The following HMGN5 variants were observed in gnomAD, a reference collection of about 807,000 sequenced individuals.
HMGN5 encodes high mobility group nucleosome binding domain 5.
Under a neutral mutation model 9.5 loss-of-function variants are expected in HMGN5, and 4 were observed. The observed-to-expected ratio is 0.42, with a 90% confidence interval of 0.21 to 0.96. The LOEUF is 0.96. Among genes scored for constraint, HMGN5 ranks in the 40% least tolerant of loss-of-function variants. The pLI, the probability that HMGN5 is intolerant of heterozygous loss-of-function variation, is 0.30. For synonymous variants in HMGN5, 55 were observed against 57.1 expected (o/e 0.96, Z 0.16); for missense variants, 192 against 187.5 (o/e 1.02, Z -0.14).
At chrX:81,156,041 T>A (rs2075382094) in intron 1 of HMGN5, among the ~76,000 whole-genome samples, 1 of 111,944 alleles carries the variant, frequency 8.9e-6, no homozygotes, top group Non-Finnish European at 1.9e-5. Context: ...ATCACTCTAA[T>A]ATTTCCTACA....
intron 1 of HMGN5, among the ~76,000 whole-genome samples, chrX:81,152,643 C>T (rs989329912): frequency 2.7e-5 from 3 of 110,846 alleles, no homozygotes; most frequent in East Asian, 2.9e-4. Flanking sequence ...TCCCATTACT[C>T]GGTATATGCC....
intron 1 of HMGN5, among the ~76,000 whole-genome samples, chrX:81,150,591 A>G (rs2075358567): frequency 8.9e-6 from 1 of 112,008 alleles, no homozygotes; most frequent in Admixed American, 9.5e-5. Context: ...AACAATAACA[A>G]AAACAAAAAC....
chrX:81,124,272 C>A (rs1479342759), intron 1 of HMGN5, among the ~76,000 whole-genome samples: 2 of 112,625 alleles, frequency 1.8e-5, no homozygotes, highest in East Asian at 5.5e-4. Context: ...TTCCTTCTAA[C>A]CATTAACCAG....
At chrX:81,150,683 CAG>C (rs1013373670) in intron 1 of HMGN5, among the ~76,000 whole-genome samples, 3 of 111,172 alleles carry the variant, frequency 2.7e-5, no homozygotes, top group Admixed American at 1.9e-4. Flanking sequence ...ATCAATGAAA[CAG>C]AAAGTTGCTT....
chrX:81,156,052 A>C (rs1447023528), intron 1 of HMGN5, among the ~76,000 whole-genome samples: 3 of 111,582 alleles, frequency 2.7e-5, no homozygotes, highest in African/African-American at 9.8e-5. Context: ...ATTTCCTACA[A>C]CTCCATATGA....
intron 1 of HMGN5, among the ~76,000 whole-genome samples, chrX:81,156,193 A>C (rs1229142189): frequency 8.9e-6 from 1 of 112,119 alleles, no homozygotes; most frequent in African/African-American, 3.2e-5. Context: ...TGGTCATTGT[A>C]GTTATTGGTG....
At chrX:81,163,207 C>A (rs1374257216) in intron 1 of HMGN5, among the ~76,000 whole-genome samples, 1 of 112,078 alleles carries the variant, frequency 8.9e-6, no homozygotes, top group Non-Finnish European at 1.9e-5. Flanking sequence ...TCCTCAACTG[C>A]CAGACATGGA....
intron 1 of HMGN5, among the ~76,000 whole-genome samples, chrX:81,124,235 AC>A (rs2075276897): frequency 8.9e-6 from 1 of 112,247 alleles, no homozygotes; most frequent in Non-Finnish European, 1.9e-5. Context: ...CTGTTTCTTG[AC>A]CCCAATCCCC....
chrX:81,121,523 C>A lies in HMGN5; in HGVS notation c.15+12G>T. On this transcript the variant is annotated intron_variant, in intron 2 of 6. Coordinates refer to ENST00000358130, the MANE Select transcript of HMGN5 (RefSeq NM_030763.3). Reference sequence around the variant, plus strand: ...GCAGCTCATTCCCCGTCTGTCTTTCCATTTCACTTACCTTTCTTTTGGGCA... The same window carrying A: ...GCAGCTCATTCCCCGTCTGTCTTTCAATTTCACTTACCTTTCTTTTGGGCA... 1 of 1,202,920 alleles carries A rather than the reference C, an allele frequency of 8.3e-7. No individual in the cohort carries two copies. Among genetic ancestry groups the A allele is most frequent in the Non-Finnish European group, 1.1e-6 (1 of 888,771 alleles).
At chrX:81,181,785 C>CT (rs997572639) in intron 1 of HMGN5, among the ~76,000 whole-genome samples, 2 of 112,102 alleles carry the variant, frequency 1.8e-5, no homozygotes, top group African/African-American at 6.5e-5. Context: ...GGATCTCATT[C>CT]TTTTTTATGA....
At chrX:81,186,493 T>C (rs778664778) in intron 1 of HMGN5, among the ~76,000 whole-genome samples, 1 of 111,952 alleles carries the variant, frequency 8.9e-6, no homozygotes, top group Admixed American at 9.5e-5. Flanking sequence ...GTCTTCTCTC[T>C]TTTTCAGAAT....
chrX:81,170,047 C>T (rs1305083196), intron 1 of HMGN5, among the ~76,000 whole-genome samples: 3 of 95,364 alleles, frequency 3.1e-5, no homozygotes, highest in Admixed American at 2.3e-4. Context: ...GAGTGAGACC[C>T]CGTCTCAAAA....
intron 1 of HMGN5, among the ~76,000 whole-genome samples, chrX:81,166,878 C>A (rs1770830532): frequency 9.0e-6 from 1 of 111,356 alleles, no homozygotes; most frequent in Non-Finnish European, 1.9e-5. Flanking sequence ...CAACAAGGTC[C>A]CAAACAGCCA....
chrX:81,165,295 G>A (rs2075408072), intron 1 of HMGN5, among the ~76,000 whole-genome samples: 1 of 110,226 alleles, frequency 9.1e-6, no homozygotes, highest in African/African-American at 3.3e-5. Flanking sequence ...ATGACTCACA[G>A]GCACCTCAAA....
chrX:81,180,389 G>T (rs1050126262), intron 1 of HMGN5, among the ~76,000 whole-genome samples: 2 of 111,817 alleles, frequency 1.8e-5, no homozygotes, highest in Non-Finnish European at 3.8e-5. Flanking sequence ...AGTGGGCAAA[G>T]GATATGAACA....
At chrX:81,142,938 C>T (rs1405152542) in intron 1 of HMGN5, among the ~76,000 whole-genome samples, 2 of 110,786 alleles carry the variant, frequency 1.8e-5, no homozygotes, top group African/African-American at 6.6e-5. Flanking sequence ...ATAGACAATA[C>T]AATAAGATGT....
chrX:81,117,035 T>C (rs1457178938), intron 5 of HMGN5, among the ~76,000 whole-genome samples: 1 of 111,055 alleles, frequency 9.0e-6, no homozygotes, highest in African/African-American at 3.3e-5. Context: ...AGGCTGTTAT[T>C]TTCATATATA....
intron 1 of HMGN5, among the ~76,000 whole-genome samples, chrX:81,174,019 AT>A (rs1321541880): frequency 1.8e-5 from 2 of 111,477 alleles, no homozygotes; most frequent in African/African-American, 6.5e-5. Context: ...AAAGTTAGAA[AT>A]TTTTTTCTGT....
At chrX:81,181,360 G>A (rs755076161) in intron 1 of HMGN5, among the ~76,000 whole-genome samples, 38 of 110,742 alleles carry the variant, frequency 3.4e-4, no homozygotes, top group Middle Eastern at 4.7e-3. Context: ...TATCGGTTAC[G>A]TGATATATTT....
Sources: gnomAD v4.1 joint callset for allele counts (sites outside exome capture counted in the v4.1 genomes callset) on GRCh38, gnomAD v4.1.1 for gene constraint, MANE v1.5 for transcripts, NCBI Gene and HGNC (gene_info 2026-07-23, HGNC 2026-07-21) for gene names.